Variants in DZANK1 observed in about 807,000 individuals in gnomAD.
DZANK1 encodes double zinc ribbon and ankyrin repeat domains 1.
DZANK1 carries 91 observed loss-of-function variants against 94.5 expected under a neutral mutation model. That is an observed-to-expected ratio of 0.96 (90% CI 0.81 to 1.15). The LOEUF is 1.15. DZANK1 is among the 50% of genes most tolerant of loss of function. The pLI is 0.00. For synonymous variants in DZANK1, 312 were observed against 325.3 expected, an observed-to-expected ratio of 0.96 and a Z score of 0.44; for missense variants, 903 against 916.4, an observed-to-expected ratio of 0.99 and a Z score of 0.19.
intron 13 of DZANK1, among the ~76,000 whole-genome samples, chr20:18,399,438 C>A (rs62205559): frequency 0.16 from 24,479 of 151,936 alleles, 2,388 homozygotes; most frequent in South Asian, 0.22. Context: ...CCATGCTACC[C>A]AGGCTGGTCA....
At chr20:18,399,843 C>T (rs34970410) in intron 13 of DZANK1, among the ~76,000 whole-genome samples, 1,779 of 152,282 alleles carry the variant, frequency 0.012, 25 homozygotes, top group Non-Finnish European at 0.017. Context: ...CCAGCCACAG[C>T]CCCTGCTGTG....
chr20:18,426,059 CA>C (rs1373783394), intron 10 of DZANK1, among the ~76,000 whole-genome samples: 1 of 152,066 alleles, frequency 6.6e-6, no homozygotes, highest in African/African-American at 2.4e-5. Context: ...ACCGGTAGAC[CA>C]GGGGTCCCCA....
intron 8 of DZANK1, among the ~76,000 whole-genome samples, chr20:18,442,956 T>G (rs937358296): frequency 2.0e-5 from 3 of 152,240 alleles, no homozygotes; most frequent in Non-Finnish European, 4.4e-5. Flanking sequence ...TTGGACAGAA[T>G]GATGCATCTT....
intron 10 of DZANK1, among the ~76,000 whole-genome samples, chr20:18,424,221 G>A (rs1198955382): frequency 5.3e-5 from 8 of 152,144 alleles, no homozygotes; most frequent in African/African-American, 9.7e-5. Context: ...AGGCCAAGGC[G>A]GGTGGATCAC....
At position 18,398,724 on chromosome 20, in the gene DZANK1, C is replaced by A. The variant is rs1028392685; in HGVS notation, c.1433-98G>T. 4 of 1,216,426 alleles carry A rather than the reference C, an allele frequency of 3.3e-6. No individual in the cohort carries two copies. The African/African-American group carries it at 6.0e-5, about 18-fold the overall frequency. 75.4% of individuals were successfully genotyped at this position (1,216,426 alleles called of 1,614,324 possible). ...CATATGTTCTTAGAGAGGTTAATTT[C>A]CTTTGTCAAACTTTGTGATGGACTT... On this transcript the variant is annotated intron_variant, in intron 13 of 20. Transcript: ENST00000262547.
chr20:18,406,280 CA>C (rs1398537796), intron 13 of DZANK1, among the ~76,000 whole-genome samples: 7 of 152,326 alleles, frequency 4.6e-5, no homozygotes, highest in African/African-American at 1.7e-4. Context: ...CTCATGGCAA[CA>C]AAAGTGACTC....
At chr20:18,404,425 A>T (rs961980942) in intron 13 of DZANK1, among the ~76,000 whole-genome samples, 2 of 152,166 alleles carry the variant, frequency 1.3e-5, no homozygotes, top group Non-Finnish European at 2.9e-5. Flanking sequence ...CCAAGGCTAC[A>T]CTCTCCATGG....
chr20:18,443,513 TAAG>T, intron 7 of DZANK1, 49 bp from the exon 8 acceptor site: 2 of 1,044,552 alleles, frequency 1.9e-6, no homozygotes, highest in Non-Finnish European at 2.7e-6. Context: ...GGGCCCACAT[TAAG>T]AAGACTGATA....
At chr20:18,413,446 C>T (rs1398124697) in intron 12 of DZANK1, among the ~76,000 whole-genome samples, 2 of 152,088 alleles carry the variant, frequency 1.3e-5, no homozygotes, top group South Asian at 2.1e-4. Context: ...GGAATAAGGG[C>T]TAGTGGCAGT....
rs1021410435 is a variant in DZANK1, at chr20:18,460,141, C to T, written c.263+12G>A. The T allele has an allele frequency of 4.7e-6, 7 of 1,478,980 alleles. No homozygotes were observed. Among genetic ancestry groups the T allele is most frequent in the Non-Finnish European group, 6.4e-6 (7 of 1,094,610 alleles). 91.6% of individuals were successfully genotyped at this position (1,478,980 alleles called of 1,614,324 possible). ...ATCATAAATTAAATTAATCACCATGCTCTTAACTTACTTAGAGACAGCAAT... is the reference window on the plus strand; with the variant it reads ...ATCATAAATTAAATTAATCACCATGTTCTTAACTTACTTAGAGACAGCAAT... On this transcript the variant is annotated intron_variant, in intron 3 of 20. Transcript: ENST00000262547.
exon 13 of DZANK1, chr20:18,412,761 G>A (rs747295212): frequency 3.1e-6 from 5 of 1,613,866 alleles, no homozygotes; most frequent in South Asian, 1.1e-5. Flanking sequence ...CAGATGGGTA[G>A]AAGAGGCCAA....
chr20:18,443,631 G>T (rs1417261317), intron 7 of DZANK1, among the ~76,000 whole-genome samples, 167 bp from the exon 8 acceptor site: 1 of 152,186 alleles, frequency 6.6e-6, no homozygotes, highest in Admixed American at 6.5e-5. Context: ...TAGGTCATTT[G>T]GTCATTTTAT....
intron 10 of DZANK1, among the ~76,000 whole-genome samples, chr20:18,416,349 C>A (rs1288490006): frequency 2.0e-5 from 3 of 152,168 alleles, no homozygotes; most frequent in Non-Finnish European, 4.4e-5. Context: ...GCTCCACCGG[C>A]CAGCTTCCTT....
intron 1 of DZANK1, 180 bp from the exon 2 acceptor site, chr20:18,465,557 T>C: frequency 3.7e-6 from 1 of 270,164 alleles, no homozygotes; most frequent in Admixed American, 5.2e-5. Flanking sequence ...TGAGGTCTTG[T>C]GTGGGGTTTT....
chr20:18,385,805 A>T (rs769940239), intron 19 of DZANK1, among the ~76,000 whole-genome samples: 3 of 152,084 alleles, frequency 2.0e-5, no homozygotes, highest in Non-Finnish European at 4.4e-5. Context: ...GGCTTACATG[A>T]TATGAAAATA....
chr20:18,397,569 C>A (rs2424188), intron 14 of DZANK1, among the ~76,000 whole-genome samples: 50,797 of 151,960 alleles, frequency 0.33, 8,662 homozygotes, highest in Admixed American at 0.36. Flanking sequence ...CTATCAACTG[C>A]GGTGTGAAAA....
intron 2 of DZANK1, among the ~76,000 whole-genome samples, chr20:18,463,753 G>A (rs1198539631): frequency 6.6e-6 from 1 of 152,070 alleles, no homozygotes; most frequent in Non-Finnish European, 1.5e-5. Context: ...TTAAGCTAAA[G>A]GAGAACACAG....
intron 19 of DZANK1, among the ~76,000 whole-genome samples, chr20:18,387,119 C>T (rs952110717): frequency 1.3e-5 from 2 of 152,130 alleles, no homozygotes; most frequent in African/African-American, 4.8e-5. Context: ...CCTATGGTTC[C>T]TTGGGCCTTT....
At position 18,392,520 on chromosome 20, in the gene DZANK1, G is replaced by A. The variant is rs555793761; in HGVS notation, c.1809+1191C>T. Among the ~76,000 whole-genome samples the A allele has an allele frequency of 2.0e-5, 3 of 152,286 alleles. No homozygotes were observed. In the South Asian group the frequency reaches 6.2e-4, roughly 32 times the overall value. ...TCATGCAAGTGTCCAGCTCGGACCC[G>A]GGCCCAGGCCTTGGGACTTGCTGCT... On this transcript the variant is annotated intron_variant, in intron 17 of 20. Coordinates refer to ENST00000262547, the Ensembl canonical transcript of DZANK1.
Sources: allele counts gnomAD v4.1 joint callset (sites outside exome capture counted in the v4.1 genomes callset), GRCh38; gene constraint gnomAD v4.1.1; transcripts MANE v1.5; gene names NCBI Gene and HGNC (gene_info 2026-07-23, HGNC 2026-07-21).